PGF: variants seen among roughly 807,000 people sequenced by gnomAD.
PGF encodes the protein placental growth factor, also known as placenta growth factor.
Under a neutral mutation model 25.3 loss-of-function variants are expected in PGF, and 11 were observed. The ratio of observed to expected loss-of-function variants is 0.43; its 90% CI spans 0.27 to 0.72. PGF has a LOEUF of 0.72. PGF is among the 30% of genes least tolerant of loss of function. PGF has a pLI of 0.18. For missense variants in PGF, 230 were observed against 234.9 expected (o/e 0.98, Z 0.14); for synonymous variants, 105 against 97.9 (o/e 1.07, Z -0.43).
At chr14:74,949,599 C>T in intron 2 of PGF, 46 bp from the exon 3 acceptor site, 2 of 1,424,270 alleles carry the variant, frequency 1.4e-6, no homozygotes, top group East Asian at 2.6e-5. Context: ...GAGACCTGCC[C>T]CTTGAAGCCC....
Position 74,955,371 on chromosome 14 carries a change from C to T in PGF, c.-129G>A. The stretch of plus-strand genomic sequence containing the variant: ...CGCCTCCCTCACTGCTGCCCCGAGG[C>T]CCCGGCCGGTGGTTCGAGCATCTTC... On this transcript the variant is annotated 5_prime_UTR_variant, in exon 1 of 7. Coordinates refer to ENST00000555567, the MANE Select transcript of PGF (RefSeq NM_002632.6). The surrounding 1 kb of genome is among the most constrained non-coding windows in gnomAD (Gnocchi z 4.1). The T allele has an allele frequency of 2.2e-6, 1 of 460,610 alleles. No individual in the cohort carries two copies. The highest frequency in any genetic ancestry group is 3.5e-5 in the East Asian group (1 of 28,258). 28.5% of individuals were successfully genotyped at this position (460,610 alleles called of 1,614,324 possible).
chr14:74,955,571 T>G lies in PGF; in HGVS notation c.-329A>C. 6 of 254,776 alleles carry G rather than the reference T, an allele frequency of 2.4e-5. No homozygotes were observed. The highest frequency in any genetic ancestry group is 6.8e-5 in the East Asian group (1 of 14,648). The allele number at this position is 254,776 out of a possible 1,614,324, so 15.8% of individuals were successfully genotyped here. ...CTGGGCGGCCGTCCGTCGATGCAGT[T>G]TCCTCCGCAGACAGCAGCTCCCTTC... On this transcript the variant is annotated 5_prime_UTR_variant, in exon 1 of 7. Transcript: ENST00000555567. The surrounding 1 kb of genome is among the most constrained non-coding windows in gnomAD (Gnocchi z 4.1).
At chr14:74,942,756 G>A (rs751366810) in intron 6 of PGF, 23 bp from the exon 7 acceptor site, 12 of 1,605,528 alleles carry the variant, frequency 7.5e-6, no homozygotes, top group South Asian at 2.2e-5. Flanking sequence ...AAGCACAGAC[G>A]GGGCGGGTAT....
chr14:74,949,388 A>T lies in PGF; in HGVS notation c.284T>A (p.Val95Glu), dbSNP rs887815060. The change falls in exon 3 of 7, where the codon GTG becomes GAG. Residue 95 changes from valine (V) to glutamate (E), a missense_variant. By Grantham distance (121) the Val-to-Glu change is moderately radical (BLOSUM62 -2). Coordinates refer to ENST00000555567, the MANE Select transcript of PGF (RefSeq NM_002632.6). ...GCCGDENLHCVPVETANVTMQ... is the reference protein window; with the variant it reads ...GCCGDENLHCEPVETANVTMQ... ...GGTGACATTGGCCGTCTCCACCGGC[A>T]CACAGTGCAGATTCTCATCGCCGCA... The T allele has an allele frequency of 1.3e-6, 2 of 1,593,352 alleles. No homozygotes were observed. The highest frequency in any genetic ancestry group is 2.7e-5 in the African/African-American group (2 of 74,190).
intron 6 of PGF, 42 bp from the exon 7 acceptor site, chr14:74,942,775 T>G (rs755450794): frequency 6.3e-7 from 1 of 1,590,482 alleles, no homozygotes. Context: ...ATCAGCACAC[T>G]GTGGAGGGTG....
chr14:74,949,282 G>A (rs1888815521), intron 3 of PGF, 75 bp downstream of exon 3: 12 of 1,235,064 alleles, frequency 9.7e-6, no homozygotes, highest in Non-Finnish European at 1.2e-5. Flanking sequence ...CTGGGACCTG[G>A]GCCTATCTTC....
chr14:74,952,031 G>A (rs903743163), intron 2 of PGF, among the ~76,000 whole-genome samples: 17 of 152,210 alleles, frequency 1.1e-4, no homozygotes, highest in African/African-American at 3.6e-4. Context: ...GAGAGCAACG[G>A]GAAGCTGTGG....
At chr14:74,944,166 G>C (rs1016063644) in intron 6 of PGF, among the ~76,000 whole-genome samples, 1 of 144,444 alleles carries the variant, frequency 6.9e-6, no homozygotes, top group Non-Finnish European at 1.5e-5. Context: ...GCAGTGGCGT[G>C]ATCTCGGCTC....
At chr14:74,944,382 G>A (rs898836460) in intron 6 of PGF, among the ~76,000 whole-genome samples, 8 of 151,930 alleles carry the variant, frequency 5.3e-5, no homozygotes, top group African/African-American at 1.2e-4. Flanking sequence ...GATTACAGGT[G>A]TGAGCCACCG....
rs1044395316 is a variant in PGF at position 74,953,393 on chromosome 14, C to T, written c.118+511G>A. On this transcript the variant is annotated intron_variant, in intron 2 of 6. Coordinates refer to ENST00000555567, the MANE Select transcript of PGF (RefSeq NM_002632.6). This position sits in a 1 kb window ranked among gnomAD's most constrained non-coding sequence, Gnocchi z 5.4. The stretch of plus-strand genomic sequence containing the variant: ...AGACTCCCTCTTGATGCAACCAGGG[C>T]GGGGAGTGGAGGGGCCAGGGAGGGC... Among the ~76,000 whole-genome samples, 3 of 152,252 alleles carry T rather than the reference C, an allele frequency of 2.0e-5. No individual in the cohort carries two copies. The highest frequency in any genetic ancestry group is 4.1e-4 in the South Asian group (2 of 4,828).
chr14:74,945,899 C>T (rs1888720286), intron 6 of PGF: 1 of 401,922 alleles, frequency 2.5e-6, no homozygotes, highest in Non-Finnish European at 4.6e-6. Context: ...ACAGTAAGTG[C>T]TCAGTAAATG....
chr14:74,944,189 G>A (rs949352754), intron 6 of PGF, among the ~76,000 whole-genome samples: 4 of 145,422 alleles, frequency 2.8e-5, no homozygotes, highest in Non-Finnish European at 6.0e-5. Flanking sequence ...TGCAAGTTCC[G>A]CCTCCCGGGT....
intron 4 of PGF, chr14:74,946,975 G>A (rs769436155): frequency 3.0e-6 from 2 of 674,782 alleles, no homozygotes; most frequent in Admixed American, 2.1e-5. Context: ...AAGAAGAAAG[G>A]TGTCCCTGTT....
In PGF at chr14:74,950,962, G is replaced by T. The variant is rs920863588; in HGVS notation, c.119-1409C>A. ...TCATTTCTTCCATGCCTCTGCCTAG[G>T]AGGCAGAAGGGGCCAAAGTCCATTC... On this transcript the variant is annotated intron_variant, in intron 2 of 6. Transcript: ENST00000555567. The surrounding 1 kb of genome is among the most constrained non-coding windows in gnomAD (Gnocchi z 4.1). 2.0e-5 allele frequency among the ~76,000 whole-genome samples: 3 copies of T among 152,164 alleles called. No individual in the cohort carries two copies. The highest frequency in any genetic ancestry group is 7.2e-5 in the African/African-American group (3 of 41,428).
chr14:74,951,152 A>G (rs1032952095), intron 2 of PGF, among the ~76,000 whole-genome samples: 1 of 152,200 alleles, frequency 6.6e-6, no homozygotes, highest in Non-Finnish European at 1.5e-5. Flanking sequence ...AAACAGTGTT[A>G]TCTGCTTGTT....
Position 74,942,655 on chromosome 14 carries a change from G to C in PGF, c.*51C>G, listed in dbSNP as rs768964991. 3.2e-6 allele frequency: 5 copies of C among 1,569,262 alleles called. No homozygotes were observed. Among genetic ancestry groups the C allele is most frequent in the Non-Finnish European group, 4.4e-6 (5 of 1,143,644 alleles). On this transcript the variant is annotated 3_prime_UTR_variant, in exon 7 of 7. Coordinates refer to ENST00000555567, the MANE Select transcript of PGF (RefSeq NM_002632.6). ...AGCAGGAGTCACTGAAGAGTGTGAC[G>C]GTAATAAATACACGAGCCGGGTGCG... is the stretch of plus-strand genomic sequence containing the variant.
chr14:74,955,197 C>T lies in PGF; in HGVS notation c.46G>A (p.Gly16Arg). Residue 16 changes from glycine to arginine, a missense_variant, in exon 1 of 7, where the codon GGG becomes AGG. Physicochemically the swap from Gly to Arg is moderately radical, Grantham distance 125 (BLOSUM62 -2). Transcript: ENST00000555567. The surrounding 1 kb of genome is among the most constrained non-coding windows in gnomAD (Gnocchi z 4.1). ...GGGGGCACAGCAGGCAGCGCCAGCC[C>T]GGCCAGGAGCTGCAGGAAGCAAGGG... ...LFPCFLQLLA[G>R]LALPAVPPQQ... 3 of 1,489,504 alleles carry T rather than the reference C, an allele frequency of 2.0e-6. No individual in the cohort carries two copies. The highest frequency in any genetic ancestry group is 2.7e-6 in the Non-Finnish European group (3 of 1,112,260). The allele number at this position is 1,489,504 out of a possible 1,614,324, so 92.3% of individuals were successfully genotyped here.
intron 6 of PGF, chr14:74,944,702 C>G (rs894986370): frequency 6.6e-6 from 1 of 151,790 alleles, no homozygotes; most frequent in African/African-American, 2.4e-5. Context: ...CATGGCACCA[C>G]GTCCAGCTAG....
chr14:74,942,851 G>A, intron 6 of PGF, 118 bp from the exon 7 acceptor site: 1 of 864,968 alleles, frequency 1.2e-6, no homozygotes, highest in Non-Finnish European at 1.7e-6. Flanking sequence ...CATGGGGAGG[G>A]CGCAGTGCTC....
Sources: allele counts gnomAD v4.1 joint callset (sites outside exome capture counted in the v4.1 genomes callset), GRCh38; gene constraint gnomAD v4.1.1; non-coding constraint Gnocchi (gnomAD v3.1); transcripts MANE v1.5; gene names NCBI Gene and HGNC (gene_info 2026-07-23, HGNC 2026-07-21).